Variants in L3MBTL4 observed in about 807,000 individuals in gnomAD.
L3MBTL4 encodes lethal(3)malignant brain tumor-like protein 4.
L3MBTL4 carries 70 observed loss-of-function variants against 84.5 expected under a neutral mutation model. The observed-to-expected ratio is 0.83, with a 90% CI of 0.68 to 1.01. L3MBTL4 has a LOEUF of 1.01. L3MBTL4 is among the 50% of genes least tolerant of loss of function. L3MBTL4 has a pLI of 0.00. For synonymous variants in L3MBTL4, 274 were observed against 259.8 expected (o/e 1.05, Z -0.52); for missense variants, 715 against 754.8 (o/e 0.95, Z 0.62).
At chr18:6,162,534 G>T (rs984753785) in intron 13 of L3MBTL4, among the ~76,000 whole-genome samples, 2 of 152,126 alleles carry the variant, frequency 1.3e-5, no homozygotes, top group African/African-American at 4.8e-5. Context: ...ACTCTATTTT[G>T]ATCTGATTTT....
At chr18:6,109,639 A>G (rs1361038990) in intron 14 of L3MBTL4, among the ~76,000 whole-genome samples, 2 of 152,110 alleles carry the variant, frequency 1.3e-5, no homozygotes, top group Non-Finnish European at 2.9e-5. Flanking sequence ...ACAAATGCCC[A>G]CGTGCAAACC....
chr18:6,407,887 A>T (rs539033614), intron 1 of L3MBTL4, among the ~76,000 whole-genome samples: 1 of 152,228 alleles, frequency 6.6e-6, no homozygotes. Context: ...ACAACAGTAC[A>T]TCGTGGTAGG....
chr18:6,237,976 T>C lies in L3MBTL4; in HGVS notation c.772A>G (p.Ile258Val). ...GWCQENGRTLIAPQGYPNPEN... is the reference protein window; with the variant it reads ...GWCQENGRTLVAPQGYPNPEN... ...GCAGTCCACTCACCTTGGGGTGCTA[T>C]CAGAGTTCTTCCATTCTCCTGACAC... Residue 258 changes from isoleucine (I) to valine (V), a missense_variant, in exon 10 of 19, where the codon ATA (isoleucine) becomes GTA (valine). Transcript: ENST00000317931. The C allele has an allele frequency of 6.2e-7, 1 of 1,614,090 alleles. No homozygotes were observed. The highest frequency in any genetic ancestry group is 8.5e-7 in the Non-Finnish European group (1 of 1,179,944).
chr18:6,149,581 G>C (rs1484135799), intron 13 of L3MBTL4, among the ~76,000 whole-genome samples: 1 of 152,060 alleles, frequency 6.6e-6, no homozygotes, highest in Non-Finnish European at 1.5e-5. Flanking sequence ...GGATGACTGG[G>C]TCAAATGGTA....
At chr18:6,206,246 T>C (rs372699774) in intron 12 of L3MBTL4, among the ~76,000 whole-genome samples, 3 of 152,202 alleles carry the variant, frequency 2.0e-5, no homozygotes, top group African/African-American at 4.8e-5. Flanking sequence ...GCATTTTGCA[T>C]TGGAGCTATC....
intron 14 of L3MBTL4, among the ~76,000 whole-genome samples, chr18:6,126,136 AAAAC>A (rs2059686162): frequency 6.6e-6 from 1 of 152,216 alleles, no homozygotes; most frequent in African/African-American, 2.4e-5. Flanking sequence ...TATGTGGAAA[AAAAC>A]AAAAAAGACA....
chr18:6,301,876 A>G (rs774359450), intron 4 of L3MBTL4, 27 bp downstream of exon 4: 2 of 1,568,358 alleles, frequency 1.3e-6, no homozygotes, highest in Non-Finnish European at 1.8e-6. Flanking sequence ...ACTGTGAACT[A>G]CCACTGTAAA....
intron 16 of L3MBTL4, among the ~76,000 whole-genome samples, chr18:6,028,486 T>C (rs917209606): frequency 7.9e-5 from 12 of 152,238 alleles, no homozygotes; most frequent in African/African-American, 2.4e-4. Flanking sequence ...TCCAGCTTAG[T>C]TCTTTCTGCT....
intron 1 of L3MBTL4, among the ~76,000 whole-genome samples, chr18:6,359,578 T>C (rs2053592071): frequency 6.6e-6 from 1 of 151,876 alleles, no homozygotes; most frequent in Admixed American, 6.6e-5. Context: ...GGTGAAACTA[T>C]GACATATCTA....
chr18:6,246,808 G>A (rs2047682929), intron 5 of L3MBTL4, among the ~76,000 whole-genome samples: 1 of 152,122 alleles, frequency 6.6e-6, no homozygotes. Context: ...GGAGGCTGAG[G>A]CAGGAGAATC....
At chr18:6,073,828 T>C (rs2057769160) in intron 16 of L3MBTL4, among the ~76,000 whole-genome samples, 2 of 152,208 alleles carry the variant, frequency 1.3e-5, no homozygotes. Context: ...GTTTATAACA[T>C]TTAATACATT....
chr18:6,189,790 G>T (rs144207161), intron 12 of L3MBTL4, among the ~76,000 whole-genome samples: 409 of 152,160 alleles, frequency 2.7e-3, no homozygotes, highest in African/African-American at 9.3e-3. Flanking sequence ...AGAAAAAAAG[G>T]CAAGTGGCAT....
chr18:6,006,458 G>A (rs903492860), intron 16 of L3MBTL4, among the ~76,000 whole-genome samples: 5 of 152,234 alleles, frequency 3.3e-5, no homozygotes, highest in Middle Eastern at 3.4e-3. Flanking sequence ...ACAAACATCC[G>A]TTAAGGCAAT....
chr18:6,165,445 C>T (rs1319015302), intron 13 of L3MBTL4, among the ~76,000 whole-genome samples: 1 of 152,144 alleles, frequency 6.6e-6, no homozygotes, highest in East Asian at 1.9e-4. Flanking sequence ...GGTCGGGTTA[C>T]CCACAAAGGG....
At chr18:6,305,930 A>G (rs1468982911) in intron 3 of L3MBTL4, among the ~76,000 whole-genome samples, 1 of 152,196 alleles carries the variant, frequency 6.6e-6, no homozygotes, top group Non-Finnish European at 1.5e-5. Flanking sequence ...GGCAATTTTG[A>G]TTCATCACCT....
chr18:6,237,934 C>A, intron 10 of L3MBTL4, 30 bp downstream of exon 10: 1 of 1,585,616 alleles, frequency 6.3e-7, no homozygotes, highest in South Asian at 1.1e-5. Flanking sequence ...ACAGAGATGA[C>A]TTCAAAGAAA....
At chr18:6,245,184 C>G (rs12150755) in intron 5 of L3MBTL4, among the ~76,000 whole-genome samples, 1 of 152,168 alleles carries the variant, frequency 6.6e-6, no homozygotes. Context: ...CAGGCCACCA[C>G]GCCCAGCCCA....
At chr18:6,087,234 C>T (rs954298451) in intron 15 of L3MBTL4, among the ~76,000 whole-genome samples, 6 of 152,160 alleles carry the variant, frequency 3.9e-5, no homozygotes, top group African/African-American at 1.4e-4. Flanking sequence ...TGTTAGTCAG[C>T]TAACTACATA....
chr18:6,084,659 C>T (rs374438028), intron 15 of L3MBTL4, among the ~76,000 whole-genome samples: 9 of 152,342 alleles, frequency 5.9e-5, no homozygotes, highest in East Asian at 3.9e-4. Context: ...CACCAAAAGA[C>T]TCATGATCTA....
Sources: gnomAD v4.1 joint callset for allele counts (sites outside exome capture counted in the v4.1 genomes callset) on GRCh38, gnomAD v4.1.1 for gene constraint, MANE v1.5 for transcripts, NCBI Gene and HGNC (gene_info 2026-07-23, HGNC 2026-07-21) for gene names.